GALNT14: variants seen among roughly 807,000 people sequenced by gnomAD.
The protein encoded by GALNT14 is polypeptide N-acetylgalactosaminyltransferase 14.
GALNT14 carries 60 observed loss-of-function variants against 77.5 expected under a neutral mutation model. The observed-to-expected ratio is 0.77, with a 90% CI of 0.63 to 0.96. The LOEUF is 0.96. Ranked by LOEUF, GALNT14 falls within the 40% of genes least tolerant of loss-of-function variation. The pLI is 0.00. For missense variants in GALNT14, 710 were observed against 731.0 expected, an observed-to-expected ratio of 0.97 and a Z score of 0.33; for synonymous variants, 280 against 281.7, an observed-to-expected ratio of 0.99 and a Z score of 0.06.
At chr2:31,052,791 T>C (rs1268482066) in intron 1 of GALNT14, among the ~76,000 whole-genome samples, 1 of 152,226 alleles carries the variant, frequency 6.6e-6, no homozygotes, top group Non-Finnish European at 1.5e-5. Flanking sequence ...GGACACCCAA[T>C]TAATTTGAAT....
intron 1 of GALNT14, among the ~76,000 whole-genome samples, chr2:31,045,608 A>C (rs541290223): frequency 1.3e-5 from 2 of 151,978 alleles, no homozygotes; most frequent in Admixed American, 1.3e-4. Context: ...GATTACAGGC[A>C]CCCACAACCA....
intron 1 of GALNT14, among the ~76,000 whole-genome samples, chr2:31,059,478 G>T (rs1674448648): frequency 6.6e-6 from 1 of 152,136 alleles, no homozygotes; most frequent in African/African-American, 2.4e-5. Context: ...CCAAAGAGAT[G>T]GTACGAGGAG....
chr2:31,125,140 C>T (rs551698383), intron 1 of GALNT14: 41 of 1,536,948 alleles, frequency 2.7e-5, no homozygotes, highest in East Asian at 4.9e-5. Flanking sequence ...CCTGGGGACA[C>T]ACAGTCAACC....
chr2:31,073,488 G>C (rs546175285), intron 1 of GALNT14, among the ~76,000 whole-genome samples: 15 of 150,850 alleles, frequency 9.9e-5, no homozygotes, highest in Non-Finnish European at 1.3e-4. Flanking sequence ...AATAAAGAGG[G>C]GGGGGGAACA....
At chr2:30,914,004 G>C (rs1479553074) in intron 13 of GALNT14, among the ~76,000 whole-genome samples, 1 of 152,190 alleles carries the variant, frequency 6.6e-6, no homozygotes, top group African/African-American at 2.4e-5. Context: ...CTTTCTCCAA[G>C]ATAAGCTGAA....
intron 1 of GALNT14, among the ~76,000 whole-genome samples, chr2:31,051,187 G>A (rs186627115): frequency 1.3e-5 from 2 of 152,134 alleles, no homozygotes; most frequent in African/African-American, 2.4e-5. Context: ...GGACTAACAG[G>A]CCCAGCGGAT....
intron 13 of GALNT14, among the ~76,000 whole-genome samples, chr2:30,913,463 GT>G (rs1261173517): frequency 6.6e-6 from 1 of 152,126 alleles, no homozygotes; most frequent in East Asian, 1.9e-4. Context: ...GGCAGACATG[GT>G]GGTCATCTGT....
intron 10 of GALNT14, among the ~76,000 whole-genome samples, chr2:30,930,738 A>G (rs1665674315): frequency 1.3e-5 from 2 of 152,238 alleles, no homozygotes; most frequent in South Asian, 2.1e-4. Flanking sequence ...AGGACCTGCA[A>G]TGACAGTTTA....
intron 1 of GALNT14, among the ~76,000 whole-genome samples, chr2:31,018,384 C>T (rs1474503275): frequency 6.6e-6 from 1 of 152,280 alleles, no homozygotes; most frequent in East Asian, 1.9e-4. Flanking sequence ...CTAGGGAGGT[C>T]TCAAGAAACT....
intron 1 of GALNT14, among the ~76,000 whole-genome samples, chr2:31,017,989 G>C (rs766403047): frequency 6.6e-6 from 1 of 152,196 alleles, no homozygotes; most frequent in African/African-American, 2.4e-5. Context: ...ACAGGGCCTC[G>C]GCCTTGGGGG....
chr2:30,995,130 TTGTGTGTGTGTGTGTG>T (rs3058232), intron 1 of GALNT14, among the ~76,000 whole-genome samples: 434 of 144,144 alleles, frequency 3.0e-3, no homozygotes, highest in Middle Eastern at 0.014. Flanking sequence ...AGAACCAATG[TTGTGTGTGTGTGTGTG>T]TGTGTGTGTG....
chr2:31,107,494 C>T (rs1033554945), intron 1 of GALNT14, among the ~76,000 whole-genome samples: 34 of 152,122 alleles, frequency 2.2e-4, no homozygotes, highest in African/African-American at 6.0e-4. Context: ...AATGGCATTT[C>T]GGAGTTTTCT....
chr2:31,086,832 C>T (rs1012620913), intron 1 of GALNT14, among the ~76,000 whole-genome samples: 1 of 152,178 alleles, frequency 6.6e-6, no homozygotes, highest in African/African-American at 2.4e-5. Context: ...GATTGGCGAA[C>T]AGCAGACTAG....
chr2:31,094,140 C>T (rs1385906365), intron 1 of GALNT14, among the ~76,000 whole-genome samples: 2 of 152,208 alleles, frequency 1.3e-5, no homozygotes, highest in East Asian at 3.8e-4. Context: ...TTTGTTTCTG[C>T]CCCACCCTAA....
chr2:30,966,121 C>T (rs936949764), intron 3 of GALNT14, 83 bp downstream of exon 3: 4 of 1,000,852 alleles, frequency 4.0e-6, no homozygotes, highest in South Asian at 1.4e-5. Context: ...GCTCCTAGTA[C>T]AGCGCTGGGC....
intron 6 of GALNT14, among the ~76,000 whole-genome samples, chr2:30,947,794 C>T (rs1666790627): frequency 6.6e-6 from 1 of 152,218 alleles, no homozygotes; most frequent in Non-Finnish European, 1.5e-5. Flanking sequence ...CACTGAGTGC[C>T]TGATTTTAAG....
At chr2:30,934,973 T>C (rs1020922717) in intron 9 of GALNT14, among the ~76,000 whole-genome samples, 1 of 152,232 alleles carries the variant, frequency 6.6e-6, no homozygotes, top group Non-Finnish European at 1.5e-5. Flanking sequence ...GCTGTAGCCC[T>C]GCCTCCTCTA....
At chr2:30,994,827 A>G (rs944367337) in intron 1 of GALNT14, among the ~76,000 whole-genome samples, 8 of 152,176 alleles carry the variant, frequency 5.3e-5, no homozygotes, top group Non-Finnish European at 8.8e-5. Context: ...AGCGATGTGG[A>G]GCTGGAAGGC....
At chr2:31,129,335 C>T (rs1267371417) in intron 1 of GALNT14, 1 of 977,766 alleles carries the variant, frequency 1.0e-6, no homozygotes, top group Non-Finnish European at 1.2e-6. Context: ...GCTTTGTAAA[C>T]TGTAAAACAT....
Sources: gnomAD v4.1 joint callset for allele counts (sites outside exome capture counted in the v4.1 genomes callset) on GRCh38, gnomAD v4.1.1 for gene constraint, MANE v1.5 for transcripts, NCBI Gene and HGNC (gene_info 2026-07-23, HGNC 2026-07-21) for gene names.